Variants in IDI2 observed in about 807,000 individuals in gnomAD.
IDI2 encodes isopentenyl-diphosphate delta-isomerase 2.
A neutral mutation model predicts 14.8 loss-of-function variants in IDI2; 18 were observed. The ratio of observed to expected loss-of-function variants is 1.22; its 90% CI spans 0.84 to 1.80. The LOEUF is 1.80. Ranked by LOEUF, IDI2 falls within the 40% of genes most tolerant of loss-of-function variation. IDI2 has a pLI of 0.00. For missense variants in IDI2, 316 were observed against 283.2 expected, an observed-to-expected ratio of 1.12 and a Z score of -0.83; for synonymous variants, 133 against 109.6, an observed-to-expected ratio of 1.21 and a Z score of -1.33.
intron 2 of IDI2, among the ~76,000 whole-genome samples, chr10:1,024,205 G>A (rs954476730): frequency 6.6e-6 from 1 of 152,288 alleles, no homozygotes; most frequent in East Asian, 1.9e-4. Context: ...TGGCTACACC[G>A]ACCTAACAAG....
chr10:1,022,760 G>A lies in IDI2; in HGVS notation c.158C>T (p.Ala53Val). ...GGTGTTAAACAAGACAACGCTGAAG[G>A]CTCGGTGCAGCAGCCCTGCAAAGGT... is the stretch of plus-strand genomic sequence containing the variant. ...ENIEKGLLHRAFSVVLFNTKN... is the reference protein window; with the variant it reads ...ENIEKGLLHRVFSVVLFNTKN... The change falls in exon 3 of 5, where the codon GCC becomes GTC. Residue 53 changes from alanine (A) to valine (V), a missense_variant. Ala to Val is a moderately conservative substitution (Grantham distance 64). Transcript: ENST00000277517. 1.2e-6 allele frequency: 2 copies of A among 1,613,848 alleles called. No individual in the cohort carries two copies. The highest frequency in any genetic ancestry group is 1.7e-6 in the Non-Finnish European group (2 of 1,179,756).
Position 1,019,478 on chromosome 10 carries a change from T to G in IDI2, c.*39A>C. On this transcript the variant is annotated 3_prime_UTR_variant, in exon 5 of 5. Transcript: ENST00000277517. The stretch of plus-strand genomic sequence containing the variant: ...GCCTCAATGGTGCGTCTGCCTGCAC[T>G]GAGGGCATTACACATGGCTGACTCG... The G allele has an allele frequency of 6.5e-7, 1 of 1,546,338 alleles. No individual in the cohort carries two copies. Among genetic ancestry groups the G allele is most frequent in the Non-Finnish European group, 8.8e-7 (1 of 1,134,244 alleles).
intron 2 of IDI2, among the ~76,000 whole-genome samples, chr10:1,023,887 G>A (rs1159354584): frequency 6.6e-6 from 1 of 152,138 alleles, no homozygotes; most frequent in African/African-American, 2.4e-5. Context: ...TGCCCTATTT[G>A]ATCATTATGC....
rs763930471 is a variant in IDI2, at chr10:1,019,515, T to C, written c.*2A>G. ...ACATGGCTGACTCGACCTCCCTGCCTCTCACACTCTGTGTATTTTGTGAAG... is the reference window on the plus strand; with the variant it reads ...ACATGGCTGACTCGACCTCCCTGCCCCTCACACTCTGTGTATTTTGTGAAG... On this transcript the variant is annotated 3_prime_UTR_variant, in exon 5 of 5. Coordinates refer to ENST00000277517, the MANE Select transcript of IDI2 (RefSeq NM_033261.3). 2 of 1,609,270 alleles carry C rather than the reference T, an allele frequency of 1.2e-6. 1 individual carries two copies.
In IDI2 at chr10:1,020,899, T is replaced by C. The variant is rs777697904; in HGVS notation, c.236-2A>G. ...TACTACAGGAGTCGGTAAAATACCC[T>C]GGAAAAAATGCATGTGGGAACATCC... is the stretch of plus-strand genomic sequence containing the variant. On this transcript the variant is annotated splice_acceptor_variant, in intron 3 of 4. Coordinates refer to ENST00000277517, the MANE Select transcript of IDI2 (RefSeq NM_033261.3). LOFTEE classifies it high-confidence loss of function. The C allele has an allele frequency of 2.2e-4, 355 of 1,606,264 alleles. No homozygotes were observed. Among genetic ancestry groups the C allele is most frequent in the Non-Finnish European group, 2.9e-4 (339 of 1,177,618 alleles).
intron 4 of IDI2, 43 bp downstream of exon 4, chr10:1,020,724 C>A: frequency 1.3e-6 from 2 of 1,557,000 alleles, no homozygotes; most frequent in South Asian, 1.2e-5. Context: ...CGCTGCCAAC[C>A]TGGACTCCCG....
chr10:1,019,524 CTG>C lies in IDI2; in HGVS notation c.675_676del (p.His225GlnfsTer45), dbSNP rs751586172. The C allele has an allele frequency of 1.2e-5, 20 of 1,611,986 alleles. No homozygotes were observed. The highest frequency in any genetic ancestry group is 6.7e-5 in the African/African-American group (5 of 74,858). On this transcript the variant is annotated frameshift_variant, in exon 5 of 5. Transcript: ENST00000277517. LOFTEE classifies it high-confidence loss of function. Reference sequence around the variant, plus strand: ...ACTCGACCTCCCTGCCTCTCACACTCTGTGTATTTTGTGAAGCTCCACAAACG... The same window carrying C: ...ACTCGACCTCCCTGCCTCTCACACTCTGTATTTTGTGAAGCTCCACAAACG...
rs971189024 is a variant in IDI2, at chr10:1,021,866, G to T, written c.235+817C>A. On this transcript the variant is annotated intron_variant, in intron 3 of 4. Transcript: ENST00000277517. ...CACAGCTGGCCGTGCTTAGCCATTC[G>T]CTTTAATGGCTCAGGCAAGGTCTGG... 2.6e-5 allele frequency among the ~76,000 whole-genome samples: 4 copies of T among 152,194 alleles called. 1 individual carries two copies. The South Asian group carries it at 8.3e-4, about 32-fold the overall frequency.
Position 1,022,695 on chromosome 10 carries a change from C to G in IDI2, c.223G>C (p.Val75Leu), listed in dbSNP as rs769279553. The change falls in exon 3 of 5, where the codon GTC becomes CTC. Residue 75 changes from valine (V) to leucine (L), a missense_variant. Coordinates refer to ENST00000277517, the MANE Select transcript of IDI2 (RefSeq NM_033261.3). Reference protein sequence around the residue: ...ILIQQRSDTKVTFPGYFTDSC... With the variant: ...ILIQQRSDTKLTFPGYFTDSC... ...TGAACGGACTCACCAGGAAACGTGA[C>G]TTTCGTGTCCGACCTCTGCTGTATC... 12 of 1,613,690 alleles carry G rather than the reference C, an allele frequency of 7.4e-6. No individual in the cohort carries two copies. In the East Asian group the frequency reaches 2.2e-4, roughly 30 times the overall value.
chr10:1,023,017 C>T (rs991823703), intron 2 of IDI2, among the ~76,000 whole-genome samples: 2 of 152,052 alleles, frequency 1.3e-5, no homozygotes, highest in African/African-American at 4.8e-5. Context: ...GGCAAATATC[C>T]AAAATAAAAG....
At chr10:1,023,248 G>C (rs1292269964) in intron 2 of IDI2, among the ~76,000 whole-genome samples, 1 of 152,128 alleles carries the variant, frequency 6.6e-6, no homozygotes, top group Non-Finnish European at 1.5e-5. Context: ...GGCTGAAGTG[G>C]GCGGATCACG....
Position 1,024,733 on chromosome 10 carries a change from C to T in IDI2, c.-10G>A. ...GATTTATGTCAGACATAGCTGCTGGCTGTGACCCGACCTGAAATAGATGCA... is the reference window on the plus strand; with the variant it reads ...GATTTATGTCAGACATAGCTGCTGGTTGTGACCCGACCTGAAATAGATGCA... On this transcript the variant is annotated 5_prime_UTR_variant, in exon 2 of 5. Transcript: ENST00000277517. 3 of 1,613,860 alleles carry T rather than the reference C, an allele frequency of 1.9e-6. No individual in the cohort carries two copies. The highest frequency in any genetic ancestry group is 2.5e-6 in the Non-Finnish European group (3 of 1,179,954).
rs1388400507 is a variant in IDI2 at position 1,020,641 on chromosome 10, C to T, written c.366+126G>A. On this transcript the variant is annotated intron_variant, in intron 4 of 4. Transcript: ENST00000277517. ...CTCATTCACAGCCCCATCCACAGCC[C>T]CATCCTTCATCCTCATGGTGCTTCA... 6.2e-6 allele frequency: 6 copies of T among 965,172 alleles called. No homozygotes were observed. The African/African-American group carries it at 6.6e-5, about 11-fold the overall frequency. 59.8% of individuals were successfully genotyped at this position (965,172 alleles called of 1,614,324 possible).
chr10:1,020,953 A>G lies in IDI2; in HGVS notation c.236-56T>C. ...TTTATTCCTGAAAAGTGAATATATT[A>G]AATACAAATGCAGATGCTTCATGTA... On this transcript the variant is annotated intron_variant, in intron 3 of 4. Transcript: ENST00000277517. 1.9e-6 allele frequency: 3 copies of G among 1,559,416 alleles called. No homozygotes were observed. In the South Asian group the frequency reaches 3.5e-5, roughly 18 times the overall value.
chr10:1,019,937 C>A, intron 4 of IDI2, 103 bp from the exon 5 acceptor site: 1 of 930,522 alleles, frequency 1.1e-6, no homozygotes, highest in Non-Finnish European at 1.6e-6. Flanking sequence ...AGAAAATGAA[C>A]ACTTTCTTTG....
At position 1,025,198 on chromosome 10, in the gene IDI2, T is replaced by C. The variant is rs144998114; in HGVS notation, c.-21-454A>G. Among the ~76,000 whole-genome samples the C allele has an allele frequency of 3.3e-3, 506 of 152,246 alleles. 7 individuals carry two copies. The highest frequency in any genetic ancestry group is 0.012 in the African/African-American group (493 of 41,536). Reference sequence around the variant, plus strand: ...AGCTACGTCACCCACAGAAGGGCTATGGTCCTCTTCAGAGCCAAGCAGATT... The same window carrying C: ...AGCTACGTCACCCACAGAAGGGCTACGGTCCTCTTCAGAGCCAAGCAGATT... On this transcript the variant is annotated intron_variant, in intron 1 of 4. Coordinates refer to ENST00000277517, the MANE Select transcript of IDI2 (RefSeq NM_033261.3).
intron 3 of IDI2, among the ~76,000 whole-genome samples, chr10:1,022,116 G>A (rs544665766): frequency 6.6e-6 from 1 of 152,060 alleles, no homozygotes; most frequent in South Asian, 2.1e-4. Flanking sequence ...AACGTTACCC[G>A]GGTGTGGTGG....
chr10:1,020,925 C>T (rs1286423863), intron 3 of IDI2, 28 bp from the exon 4 acceptor site: 2 of 1,599,512 alleles, frequency 1.3e-6, no homozygotes, highest in African/African-American at 1.3e-5. Flanking sequence ...GGGAACATCC[C>T]TCTTTATTCC....
rs1000424885 is a variant in IDI2, at chr10:1,024,700, C to A, written c.24G>T (p.Trp8Cys). The change falls in exon 2 of 5, where the codon TGG (tryptophan) becomes TGT (cysteine). Residue 8 changes from tryptophan (W) to cysteine (C), a missense_variant. Coordinates refer to ENST00000277517, the MANE Select transcript of IDI2 (RefSeq NM_033261.3). The part of the protein sequence containing the change: MSDINLD[W>C]VDRRQLQRLE... ...AGCGCTGCAACTGACGCCTGTCAAC[C>A]CAGTCAAGATTTATGTCAGACATAG... 1 of 1,614,144 alleles carries A rather than the reference C, an allele frequency of 6.2e-7. No homozygotes were observed. The highest frequency in any genetic ancestry group is 1.6e-4 in the Middle Eastern group (1 of 6,062).
Sources: allele counts gnomAD v4.1 joint callset (sites outside exome capture counted in the v4.1 genomes callset), GRCh38; gene constraint gnomAD v4.1.1; transcripts MANE v1.5; gene names NCBI Gene and HGNC (gene_info 2026-07-23, HGNC 2026-07-21).